The following MCTP1 variants were observed in gnomAD, a reference collection of about 807,000 sequenced individuals.
MCTP1 encodes multiple C2 and transmembrane domain-containing protein 1.
A neutral mutation model predicts 120.6 loss-of-function variants in MCTP1; 69 were observed. The observed-to-expected ratio is 0.57, with a 90% CI of 0.47 to 0.70. The LOEUF (loss-of-function observed/expected upper bound fraction) is 0.70, where lower values mean the gene tolerates loss of function less well. MCTP1 is among the 30% of genes least tolerant of loss of function. MCTP1 has a pLI of 0.00. For synonymous variants in MCTP1, 529 were observed against 493.1 expected (o/e 1.07, Z -0.96); for missense variants, 1,203 against 1,248.8 (o/e 0.96, Z 0.55).
chr5:94,726,218 A>C (rs1762106238), intron 19 of MCTP1, among the ~76,000 whole-genome samples: 1 of 152,146 alleles, frequency 6.6e-6, no homozygotes, highest in Admixed American at 6.5e-5. Context: ...TTCTCATCTG[A>C]GATATGGGAC....
At chr5:95,149,406 C>A (rs1353578542) in intron 1 of MCTP1, among the ~76,000 whole-genome samples, 1 of 152,152 alleles carries the variant, frequency 6.6e-6, no homozygotes, top group African/African-American at 2.4e-5. Flanking sequence ...GCAGGGGACA[C>A]ATGATCTGTT....
chr5:94,949,072 A>G (rs1819829542), intron 3 of MCTP1, among the ~76,000 whole-genome samples: 1 of 152,178 alleles, frequency 6.6e-6, no homozygotes, highest in Non-Finnish European at 1.5e-5. Flanking sequence ...CTAATCTATC[A>G]AAATGGTTCT....
At chr5:94,978,566 A>G (rs1283889281) in intron 2 of MCTP1, among the ~76,000 whole-genome samples, 1 of 152,178 alleles carries the variant, frequency 6.6e-6, no homozygotes, top group Admixed American at 6.6e-5. Flanking sequence ...ACATGGATGA[A>G]ACTTGAAGAC....
At chr5:95,192,201 CAG>C (rs1412846763) in intron 1 of MCTP1, among the ~76,000 whole-genome samples, 2 of 151,840 alleles carry the variant, frequency 1.3e-5, no homozygotes, top group Admixed American at 6.6e-5. Context: ...TTTAGTAAAA[CAG>C]ACATGTTTTT....
intron 3 of MCTP1, among the ~76,000 whole-genome samples, chr5:94,948,965 T>C (rs535915884): frequency 2.0e-5 from 3 of 152,258 alleles, no homozygotes; most frequent in South Asian, 4.1e-4. Context: ...CAACTTTAAC[T>C]CTTAAGCTTG....
intron 1 of MCTP1, among the ~76,000 whole-genome samples, chr5:95,112,125 GT>G (rs907872650): frequency 2.0e-5 from 3 of 152,152 alleles, no homozygotes; most frequent in Admixed American, 1.3e-4. Context: ...AGAAGTTCAT[GT>G]CTAGACGATA....
At chr5:94,799,164 A>C (rs1260841331) in intron 17 of MCTP1, 32 bp from the exon 18 acceptor site, 1 of 1,597,534 alleles carries the variant, frequency 6.3e-7, no homozygotes, top group South Asian at 1.1e-5. Context: ...AGAAGGGATG[A>C]GTCAACACTG....
chr5:94,804,300 T>C (rs75315409), intron 17 of MCTP1, among the ~76,000 whole-genome samples: 1,909 of 152,326 alleles, frequency 0.013, 53 homozygotes, highest in Admixed American at 0.063. Context: ...TCAATTATTC[T>C]CTTTTCCTTT....
At chr5:94,797,365 G>T (rs890511207) in intron 18 of MCTP1, among the ~76,000 whole-genome samples, 1 of 152,036 alleles carries the variant, frequency 6.6e-6, no homozygotes, top group African/African-American at 2.4e-5. Flanking sequence ...TTGCAAATTT[G>T]TCTCAAGGCA....
intron 1 of MCTP1, among the ~76,000 whole-genome samples, chr5:95,135,497 G>C (rs1003341873): frequency 6.6e-6 from 1 of 152,188 alleles, no homozygotes; most frequent in Non-Finnish European, 1.5e-5. Context: ...TGAGGGTGCT[G>C]GCAAAGGAGA....
chr5:94,922,708 C>T (rs1365861998), intron 7 of MCTP1, among the ~76,000 whole-genome samples: 2 of 152,002 alleles, frequency 1.3e-5, no homozygotes, highest in African/African-American at 4.8e-5. Flanking sequence ...GGCTGGTCTC[C>T]AACTCCTGAC....
At chr5:94,862,319 A>T (rs545980054) in intron 17 of MCTP1, among the ~76,000 whole-genome samples, 2 of 151,908 alleles carry the variant, frequency 1.3e-5, no homozygotes, top group East Asian at 3.9e-4. Flanking sequence ...CCTTTCAGAG[A>T]GTAGCAGACC....
chr5:94,857,041 T>C (rs955835867), intron 17 of MCTP1, among the ~76,000 whole-genome samples: 6 of 151,754 alleles, frequency 4.0e-5, no homozygotes, highest in African/African-American at 1.2e-4. Flanking sequence ...GTGAATCTTA[T>C]GTATGGATCT....
chr5:94,989,022 T>C (rs989658434), intron 2 of MCTP1, among the ~76,000 whole-genome samples: 3 of 152,166 alleles, frequency 2.0e-5, no homozygotes, highest in Non-Finnish European at 4.4e-5. Context: ...ATGGGAACTA[T>C]AATTCAAGAT....
At chr5:94,953,072 T>G (rs1821031348) in intron 3 of MCTP1, 147 bp downstream of exon 3, 2 of 657,036 alleles carry the variant, frequency 3.0e-6, no homozygotes, top group Non-Finnish European at 4.8e-6. Flanking sequence ...CTATCTCACT[T>G]CTATCATATT....
At chr5:94,936,000 T>C (rs1202677774) in intron 5 of MCTP1, among the ~76,000 whole-genome samples, 1 of 152,066 alleles carries the variant, frequency 6.6e-6, no homozygotes, top group East Asian at 1.9e-4. Flanking sequence ...ACTTCAAATG[T>C]AGCCCAGAGA....
chr5:95,109,214 C>T (rs1196702978), intron 1 of MCTP1, among the ~76,000 whole-genome samples: 1 of 152,076 alleles, frequency 6.6e-6, no homozygotes, highest in Non-Finnish European at 1.5e-5. Context: ...CCCCTTACAC[C>T]AGAAAAACCT....
chr5:95,102,153 A>C (rs1756781842), intron 1 of MCTP1, among the ~76,000 whole-genome samples: 1 of 152,148 alleles, frequency 6.6e-6, no homozygotes. Context: ...GGACTCATCA[A>C]AAGTAATACT....
At chr5:94,973,439 A>C (rs1388854106) in intron 2 of MCTP1, among the ~76,000 whole-genome samples, 1 of 152,190 alleles carries the variant, frequency 6.6e-6, no homozygotes, top group African/African-American at 2.4e-5. Flanking sequence ...TGCCATTAGC[A>C]TAACAGAGTA....
Sources: gnomAD v4.1 joint callset for allele counts (sites outside exome capture counted in the v4.1 genomes callset) on GRCh38, gnomAD v4.1.1 for gene constraint, MANE v1.5 for transcripts, NCBI Gene and HGNC (gene_info 2026-07-23, HGNC 2026-07-21) for gene names.